MYO1A: variants seen among roughly 807,000 people sequenced by gnomAD.
MYO1A encodes the protein myosin IA.
MYO1A carries 127 observed loss-of-function variants against 138.5 expected under a neutral mutation model. That is an observed-to-expected ratio of 0.92 (90% CI 0.79 to 1.06). The LOEUF is 1.06. Ranked by LOEUF, MYO1A falls within the 50% of genes least tolerant of loss-of-function variation. The probability of loss-of-function intolerance (pLI) is 0.00; values close to 1 mark genes in which losing one functional copy is unlikely to be tolerated. For missense variants in MYO1A, 1,211 were observed against 1,288.8 expected (o/e 0.94, Z 0.92); for synonymous variants, 477 against 497.5 (o/e 0.96, Z 0.55).
intron 23 of MYO1A, 129 bp downstream of exon 23, chr12:57,030,911 T>G: frequency 1.8e-6 from 2 of 1,121,540 alleles, no homozygotes; most frequent in South Asian, 3.1e-5. Context: ...AATGGTAGAT[T>G]GTATGTTATG....
chr12:57,046,721 G>T, intron 7 of MYO1A, 71 bp from the exon 8 acceptor site: 1 of 1,506,334 alleles, frequency 6.6e-7, no homozygotes, highest in Non-Finnish European at 9.2e-7. Flanking sequence ...CCCTACTGGA[G>T]AATGCCCCCA....
At chr12:57,042,166 A>T (rs939607661) in intron 12 of MYO1A, among the ~76,000 whole-genome samples, 4 of 152,154 alleles carry the variant, frequency 2.6e-5, no homozygotes, top group Non-Finnish European at 4.4e-5. Flanking sequence ...AGCCCTTGGC[A>T]TTCATTGATC....
intron 8 of MYO1A, among the ~76,000 whole-genome samples, chr12:57,045,154 G>A (rs1406073386): frequency 1.3e-5 from 2 of 152,176 alleles, no homozygotes; most frequent in Non-Finnish European, 2.9e-5. Flanking sequence ...TGTGGGTTGG[G>A]ACTGTGTTTC....
chr12:57,041,142 A>G (rs374950447), intron 14 of MYO1A, 42 bp downstream of exon 14: 101 of 1,468,802 alleles, frequency 6.9e-5, no homozygotes, highest in Middle Eastern at 2.4e-4. Flanking sequence ...GCATATGCCT[A>G]GAAGTTGTTT....
intron 8 of MYO1A, among the ~76,000 whole-genome samples, chr12:57,044,758 C>A (rs1166497276): frequency 6.6e-6 from 1 of 152,142 alleles, no homozygotes; most frequent in African/African-American, 2.4e-5. Flanking sequence ...GGTTTTCCCC[C>A]AACTTTTATG....
chr12:57,031,587 T>C (rs1268629493), intron 22 of MYO1A, among the ~76,000 whole-genome samples: 4 of 152,076 alleles, frequency 2.6e-5, no homozygotes, highest in Non-Finnish European at 5.9e-5. Context: ...CTCAAATCAG[T>C]CAAGTCCAAA....
chr12:57,047,497 C>T, intron 4 of MYO1A, 90 bp from the exon 5 acceptor site: 1 of 1,497,300 alleles, frequency 6.7e-7, no homozygotes, highest in Non-Finnish European at 9.3e-7. Context: ...TGCCTCACCA[C>T]CCCTTGGAGT....
rs538062645 is a variant in MYO1A, at chr12:57,037,892, C to G, written c.1938G>C (p.Trp646Cys). 3 of 1,614,186 alleles carry G rather than the reference C, an allele frequency of 1.9e-6. No individual in the cohort carries two copies. In the East Asian group the frequency reaches 6.7e-5, roughly 36 times the overall value. ...ERYRLLSRST[W>C]PHWNGGDREG... ...ACCGGTCTCCCCCATTCCAGTGAGG[C>G]CAGGTGCTCCGGCTCAGCAATCGGT... The change falls in exon 18 of 28, where the codon TGG becomes TGC. Residue 646 changes from tryptophan (W) to cysteine (C), a missense_variant. Transcript: ENST00000300119.
chr12:57,031,156 C>T lies in MYO1A; in HGVS notation c.2368G>A (p.Gly790Arg). ...GTGGATGGCAAATTGTTCTTCAGCC[C>T]CAGTAGGAATTTCTGTACCTAGTTT... is the stretch of plus-strand genomic sequence containing the variant. ...YKSMVQKFLL[G>R]LKNNLPSTNV... is the part of the protein sequence containing the mutation. The change falls in exon 23 of 28, where the codon GGG becomes AGG. Residue 790 changes from glycine to arginine, a missense_variant. Gly to Arg is a moderately radical substitution (Grantham distance 125). Coordinates refer to ENST00000300119, the MANE Select transcript of MYO1A (RefSeq NM_005379.4). 1 of 1,614,032 alleles carries T rather than the reference C, an allele frequency of 6.2e-7. No individual in the cohort carries two copies. The highest frequency in any genetic ancestry group is 1.6e-4 in the Middle Eastern group (1 of 6,062).
chr12:57,033,485 T>C (rs548082494), intron 22 of MYO1A, among the ~76,000 whole-genome samples: 1 of 152,196 alleles, frequency 6.6e-6, no homozygotes, highest in South Asian at 2.1e-4. Context: ...GCCTTCCAAG[T>C]AGCTGGGACT....
chr12:57,050,781 A>G (rs2031307883), upstream of MYO1A: 1 of 152,148 alleles, frequency 6.6e-6, no homozygotes, highest in South Asian at 2.1e-4. Context: ...ACTGAATAGC[A>G]CCACCCCGAG....
chr12:57,034,030 G>A (rs2030414783), intron 22 of MYO1A, among the ~76,000 whole-genome samples: 1 of 152,208 alleles, frequency 6.6e-6, no homozygotes. Context: ...TCCAATTAAT[G>A]TGGAGCCTCT....
At position 57,038,501 on chromosome 12, in the gene MYO1A, G is replaced by A; in HGVS notation, c.1671C>T (p.Leu557=). 6.2e-7 allele frequency: 1 copy of A among 1,614,224 alleles called. No homozygotes were observed. The highest frequency in any genetic ancestry group is 8.5e-7 in the Non-Finnish European group (1 of 1,180,034). ...GGGCCCCAGCAGTCGGGGGGCGTTT[G>A]AGAGATGCCTGCTTAGGATTGCCCT... The part of the protein sequence containing the change: ...FPEGNPKQAS[L]KRPPTAGAQF... The change falls in exon 17 of 28, where the codon CTC becomes CTT. Residue 557 remains leucine, a synonymous_variant. Transcript: ENST00000300119.
chr12:57,039,753 C>A (rs1392840567), intron 14 of MYO1A, among the ~76,000 whole-genome samples: 1 of 152,174 alleles, frequency 6.6e-6, no homozygotes, highest in Non-Finnish European at 1.5e-5. Context: ...GTGTGCAGCA[C>A]AACCACCTGG....
At chr12:57,035,298 A>C (rs564009946) in intron 22 of MYO1A, among the ~76,000 whole-genome samples, 3 of 152,364 alleles carry the variant, frequency 2.0e-5, no homozygotes, top group African/African-American at 7.2e-5. Flanking sequence ...TGGCACCAGC[A>C]CAAGAGGTGA....
chr12:57,036,992 G>T lies in MYO1A; in HGVS notation c.2155C>A (p.Leu719Met), dbSNP rs766166841. The T allele has an allele frequency of 6.2e-7, 1 of 1,614,226 alleles. No homozygotes were observed. The highest frequency in any genetic ancestry group is 8.5e-7 in the Non-Finnish European group (1 of 1,180,042). Residue 719 changes from leucine to methionine, a missense_variant, in exon 20 of 28, where the codon CTG becomes ATG. Transcript: ENST00000300119. Reference sequence around the variant, plus strand: ...ATGAGGATCTGACTCTTTCGCATCAGTTGGTAGTGGGTGCGGCAGCGCCAG... The same window carrying T: ...ATGAGGATCTGACTCTTTCGCATCATTTGGTAGTGGGTGCGGCAGCGCCAG... ...RGWRCRTHYQ[L>M]MRKSQILISS...
chr12:57,041,126 G>A, intron 14 of MYO1A, 58 bp downstream of exon 14: 1 of 1,277,532 alleles, frequency 7.8e-7, no homozygotes. Context: ...GAGAAAGGAA[G>A]CTCTGGCATA....
intron 2 of MYO1A, 51 bp from the exon 3 acceptor site, chr12:57,048,155 C>T (rs2136460917): frequency 1.9e-6 from 3 of 1,594,584 alleles, no homozygotes; most frequent in Non-Finnish European, 2.6e-6. Flanking sequence ...GAGGTGGGAG[C>T]CTGTGACCTC....
In MYO1A at chr12:57,044,226, T is replaced by C. The variant is rs1479959131; in HGVS notation, c.641-17A>G. 3 of 1,605,332 alleles carry C rather than the reference T, an allele frequency of 1.9e-6. No homozygotes were observed. Among genetic ancestry groups the C allele is most frequent in the Non-Finnish European group, 2.6e-6 (3 of 1,173,038 alleles). On this transcript the variant is annotated splice_polypyrimidine_tract_variant and intron_variant, in intron 8 of 27. Transcript: ENST00000300119. ...TCAGGGCCTCTGGGAGGGCCAGTGT[T>C]GGGGAAGATGGTTAGTACCCAGGCT...
Sources: allele counts gnomAD v4.1 joint callset (sites outside exome capture counted in the v4.1 genomes callset), GRCh38; gene constraint gnomAD v4.1.1; transcripts MANE v1.5; gene names NCBI Gene and HGNC (gene_info 2026-07-23, HGNC 2026-07-21).